SLC25A24: variants seen among roughly 807,000 people sequenced by gnomAD.
SLC25A24 encodes the protein solute carrier family 25 member 24.
A neutral mutation model predicts 60.7 loss-of-function variants in SLC25A24; 49 were observed. That is an observed-to-expected ratio of 0.81 (90% CI 0.64 to 1.02). SLC25A24 has a LOEUF of 1.02. Ranked by LOEUF, SLC25A24 falls within the 50% of genes least tolerant of loss-of-function variation. SLC25A24 has a pLI of 0.00. For missense variants in SLC25A24, 564 were observed against 586.3 expected (o/e 0.96, Z 0.39); for synonymous variants, 202 against 200.6 (o/e 1.01, Z -0.06).
intron 3 of SLC25A24, among the ~76,000 whole-genome samples, chr1:108,169,003 G>T (rs1280460850): frequency 6.6e-6 from 1 of 152,142 alleles, no homozygotes; most frequent in Non-Finnish European, 1.5e-5. Flanking sequence ...TTTGTGTACG[G>T]TAAGAGGCAG....
chr1:108,178,097 G>A (rs553385487), intron 3 of SLC25A24, among the ~76,000 whole-genome samples: 1 of 152,176 alleles, frequency 6.6e-6, no homozygotes, highest in African/African-American at 2.4e-5. Context: ...GTGAGACGGG[G>A]GCTGCAGTGA....
At chr1:108,173,967 T>G (rs967577719) in intron 3 of SLC25A24, among the ~76,000 whole-genome samples, 2 of 152,150 alleles carry the variant, frequency 1.3e-5, no homozygotes, top group Non-Finnish European at 2.9e-5. Flanking sequence ...AGAAGAAATT[T>G]CTAAGTGGCA....
Position 108,136,584 on chromosome 1 carries a change from C to G in SLC25A24, c.*69G>C, listed in dbSNP as rs572466613. 3.0e-6 allele frequency: 4 copies of G among 1,341,964 alleles called. No individual in the cohort carries two copies. The African/African-American group carries it at 4.4e-5, about 15-fold the overall frequency. 83.1% of individuals were successfully genotyped at this position (1,341,964 alleles called of 1,614,324 possible). A position where few individuals can be genotyped will look rare whatever the true frequency, so the allele number is the denominator to read the frequency against. On this transcript the variant is annotated 3_prime_UTR_variant, in exon 10 of 10. Transcript: ENST00000565488. ...CTTTTGCCATAGACTTGTTTCAATT[C>G]GAGGAGAAAAAGTCACTCCAGAGAT...
chr1:108,200,154 G>A lies in SLC25A24; in HGVS notation c.-16C>T, dbSNP rs1392109576. 1 of 1,539,066 alleles carries A rather than the reference G, an allele frequency of 6.5e-7. No individual in the cohort carries two copies. The highest frequency in any genetic ancestry group is 8.7e-7 in the Non-Finnish European group (1 of 1,145,288). On this transcript the variant is annotated 5_prime_UTR_variant, in exon 1 of 10. Coordinates refer to ENST00000565488, the MANE Select transcript of SLC25A24 (RefSeq NM_013386.5). ...AGCGCAACATGGTCCCAGAGGCGCA[G>A]GCGGCCTGGCCGAGGAAGTCACGGG...
At position 108,185,949 on chromosome 1, in the gene SLC25A24, A is replaced by G. The variant is rs1171723067; in HGVS notation, c.189T>C (p.Ile63=). The change falls in exon 2 of 10, where the codon ATT becomes ATC. Residue 63 remains isoleucine (I), a synonymous_variant. Coordinates refer to ENST00000565488, the MANE Select transcript of SLC25A24 (RefSeq NM_013386.5). The part of the protein sequence containing the change: ...IPLGQDAEEK[I]FTTGDVNKDG... Reference sequence around the variant, plus strand: ...CTTTGTTGACATCTCCAGTAGTAAAAATTTTCTATAAAAAAAAATTAGAGA... The same window carrying G: ...CTTTGTTGACATCTCCAGTAGTAAAGATTTTCTATAAAAAAAAATTAGAGA... 2 of 1,572,728 alleles carry G rather than the reference A, an allele frequency of 1.3e-6. No homozygotes were observed. The highest frequency in any genetic ancestry group is 2.8e-5 in the African/African-American group (2 of 72,510).
At chr1:108,159,715 G>A (rs533812298) in intron 4 of SLC25A24, among the ~76,000 whole-genome samples, 4,699 of 151,676 alleles carry the variant, frequency 0.031, 238 homozygotes, top group African/African-American at 0.11. Context: ...AGCACATCTT[G>A]CACCGCCCTT....
chr1:108,150,016 C>T (rs1439634544), intron 6 of SLC25A24, among the ~76,000 whole-genome samples: 5 of 152,238 alleles, frequency 3.3e-5, no homozygotes, highest in African/African-American at 1.2e-4. Flanking sequence ...GTTTCCTGAA[C>T]TACAGAGTGT....
At chr1:108,147,894 A>T (rs1189170657) in intron 7 of SLC25A24, among the ~76,000 whole-genome samples, 1 of 149,470 alleles carries the variant, frequency 6.7e-6, no homozygotes, top group African/African-American at 2.5e-5. Context: ...CATCTTAGGC[A>T]CTCTCTCTCT....
At chr1:108,183,928 A>G (rs569382638) in intron 2 of SLC25A24, among the ~76,000 whole-genome samples, 1 of 152,296 alleles carries the variant, frequency 6.6e-6, no homozygotes, top group South Asian at 2.1e-4. Flanking sequence ...CTGTGAGTAT[A>G]TATTTTGGGG....
At chr1:108,194,259 C>A (rs1648429221) in intron 1 of SLC25A24, among the ~76,000 whole-genome samples, 1 of 137,924 alleles carries the variant, frequency 7.3e-6, no homozygotes, top group South Asian at 2.8e-4. Context: ...ACATTTTCCC[C>A]CAGAGCTGCT....
chr1:108,179,058 T>C (rs1647814859), intron 3 of SLC25A24, among the ~76,000 whole-genome samples: 1 of 121,616 alleles, frequency 8.2e-6, no homozygotes, highest in African/African-American at 3.2e-5. Flanking sequence ...ACAAAAAACC[T>C]CAAATAAACA....
At chr1:108,185,275 T>TA (rs2101640696) in intron 2 of SLC25A24, among the ~76,000 whole-genome samples, 1 of 152,274 alleles carries the variant, frequency 6.6e-6, no homozygotes, top group East Asian at 1.9e-4. Flanking sequence ...TCCAACCTAT[T>TA]AATCGAAATA....
At chr1:108,195,018 A>C (rs1285570613) in intron 1 of SLC25A24, among the ~76,000 whole-genome samples, 1 of 152,248 alleles carries the variant, frequency 6.6e-6, no homozygotes, top group Non-Finnish European at 1.5e-5. Context: ...TTTCAGAGTT[A>C]GGCTTCAAAC....
chr1:108,157,497 T>C lies in SLC25A24; in HGVS notation c.634A>G (p.Thr212Ala), dbSNP rs1679934489. Residue 212 changes from threonine (T) to alanine (A), a missense_variant, in exon 5 of 10, where the codon ACT (threonine) becomes GCT (alanine). Physicochemically the swap from Thr to Ala is moderately conservative, Grantham distance 58. Coordinates refer to ENST00000565488, the MANE Select transcript of SLC25A24 (RefSeq NM_013386.5). ...GIAGAVSRTS[T>A]APLDRLKIMM... The stretch of plus-strand genomic sequence containing the variant: ...ATTTTCAGACGGTCCAAAGGGGCAG[T>C]GCTTGTTCGAGAGACAGCACCAGCA... 3 of 1,614,090 alleles carry C rather than the reference T, an allele frequency of 1.9e-6. No homozygotes were observed. The highest frequency in any genetic ancestry group is 2.5e-6 in the Non-Finnish European group (3 of 1,180,040).
At chr1:108,174,671 G>A (rs951833986) in intron 3 of SLC25A24, among the ~76,000 whole-genome samples, 6 of 152,084 alleles carry the variant, frequency 3.9e-5, no homozygotes, top group African/African-American at 9.7e-5. Flanking sequence ...GACACTCAAC[G>A]CCAGCCTGTG....
chr1:108,185,938 C>G lies in SLC25A24; in HGVS notation c.200G>C (p.Gly67Ala). 1 of 1,586,116 alleles carries G rather than the reference C, an allele frequency of 6.3e-7. No homozygotes were observed. The highest frequency in any genetic ancestry group is 8.6e-7 in the Non-Finnish European group (1 of 1,165,672). The change falls in exon 2 of 10, where the codon GGA becomes GCA. Residue 67 changes from glycine (G) to alanine (A), a missense_variant. Physicochemically the swap from Gly to Ala is moderately conservative, Grantham distance 60. Coordinates refer to ENST00000565488, the MANE Select transcript of SLC25A24 (RefSeq NM_013386.5). The stretch of plus-strand genomic sequence containing the variant: ...CAGCTTCCCATCTTTGTTGACATCT[C>G]CAGTAGTAAAAATTTTCTATAAAAA... ...QDAEEKIFTT[G>A]DVNKDGKLDF...
At position 108,155,132 on chromosome 1, in the gene SLC25A24, G is replaced by T. The variant is rs1228563510; in HGVS notation, c.673C>A (p.His225Asn). 1.9e-6 allele frequency: 3 copies of T among 1,604,778 alleles called. No homozygotes were observed. Among genetic ancestry groups the T allele is most frequent in the Non-Finnish European group, 1.7e-6 (2 of 1,175,896 alleles). The change falls in exon 6 of 10, where the codon CAC becomes AAC. Residue 225 changes from histidine to asparagine, a missense_variant. Coordinates refer to ENST00000565488, the MANE Select transcript of SLC25A24 (RefSeq NM_013386.5). ...LDRLKIMMQVHGSKSDKMNIF... is the reference protein window; with the variant it reads ...LDRLKIMMQVNGSKSDKMNIF... ...TTCATTTTGTCTGATTTTGAACCGT[G>T]AACCTAAAAATAAAAGCAGAATGAT...
At chr1:108,168,732 A>G (rs1353924205) in intron 3 of SLC25A24, among the ~76,000 whole-genome samples, 1 of 152,016 alleles carries the variant, frequency 6.6e-6, no homozygotes, top group Non-Finnish European at 1.5e-5. Context: ...TCTTTATATC[A>G]TTCATTCTAA....
chr1:108,159,066 T>C (rs181984955), intron 4 of SLC25A24, among the ~76,000 whole-genome samples: 28 of 152,286 alleles, frequency 1.8e-4, no homozygotes, highest in African/African-American at 6.7e-4. Context: ...AGAGAGTTCC[T>C]AAGGGTTTCA....
Sources: allele counts gnomAD v4.1 joint callset (sites outside exome capture counted in the v4.1 genomes callset), GRCh38; gene constraint gnomAD v4.1.1; transcripts MANE v1.5; gene names NCBI Gene and HGNC (gene_info 2026-07-23, HGNC 2026-07-21).